The following RGL1 variants were observed in gnomAD, a reference collection of about 807,000 sequenced individuals.
RGL1 encodes ral guanine nucleotide dissociation stimulator like 1, also known as ral guanine nucleotide dissociation stimulator-like 1.
RGL1 carries 24 observed loss-of-function variants against 95.2 expected under a neutral mutation model. The observed-to-expected ratio is 0.25, with a 90% CI of 0.18 to 0.35. The LOEUF (loss-of-function observed/expected upper bound fraction) is 0.35. Ranked by LOEUF, RGL1 falls within the 10% of genes least tolerant of loss-of-function variation. RGL1 has a pLI of 1.00. For synonymous variants in RGL1, 329 were observed against 344.9 expected, an observed-to-expected ratio of 0.95 and a Z score of 0.51; for missense variants, 715 against 936.3, an observed-to-expected ratio of 0.76 and a Z score of 3.08.
intron 2 of RGL1, among the ~76,000 whole-genome samples, chr1:183,836,417 AT>A (rs530157298): frequency 0.01 from 1,512 of 144,928 alleles, 20 homozygotes; most frequent in African/African-American, 0.032. Flanking sequence ...CACCCAGCTA[AT>A]TTTTTTTTTT....
rs145406661 is a variant in RGL1, at chr1:183,922,248, T to G, written c.2031T>G (p.Ala677=). 141 of 1,614,030 alleles carry G rather than the reference T, an allele frequency of 8.7e-5. No homozygotes were observed. The highest frequency in any genetic ancestry group is 1.2e-4 in the Non-Finnish European group (137 of 1,180,034). ...TGACGAGCCAGGATAAAACCCCCGC[T>G]GTGATCCAGAGAGCCATGCTGAAGC... The part of the protein sequence containing the change: ...IMLTSQDKTP[A]VIQRAMLKHN... The change falls in exon 17 of 18, where the codon GCT becomes GCG. Residue 677 remains alanine, a synonymous_variant. Transcript: ENST00000360851.
In RGL1 at chr1:183,660,884, G is replaced by T. The variant is rs1157090336; in HGVS notation, c.-33+24383G>T. 3.9e-5 allele frequency among the ~76,000 whole-genome samples: 6 copies of T among 152,204 alleles called. No homozygotes were observed. The East Asian group carries it at 1.2e-3, about 29-fold the overall frequency. On this transcript the variant is annotated intron_variant, in intron 1 of 18. Coordinates refer to the RGL1 transcript ENST00000304685. ...CTCAGACCACAGTGCAATCAAACTA[G>T]AACTCAGGAATAAGAAACTCACTCA... is the stretch of plus-strand genomic sequence containing the variant.
intron 4 of RGL1, among the ~76,000 whole-genome samples, chr1:183,874,472 C>A: frequency 6.6e-6 from 1 of 151,944 alleles, no homozygotes; most frequent in South Asian, 2.1e-4. Flanking sequence ...GTATGTCTTC[C>A]TTTCATAATC....
At chr1:183,891,176 C>G (rs750783322) in intron 8 of RGL1, among the ~76,000 whole-genome samples, 21 of 152,074 alleles carry the variant, frequency 1.4e-4, no homozygotes, top group Non-Finnish European at 2.6e-4. Flanking sequence ...ATTACACTCA[C>G]TATAAAACAG....
At chr1:183,898,862 G>A (rs1667855497) in intron 10 of RGL1, among the ~76,000 whole-genome samples, 3 of 152,214 alleles carry the variant, frequency 2.0e-5, no homozygotes, top group Admixed American at 2.0e-4. Context: ...GAAGCAGCCA[G>A]CCTCATGTCA....
intron 2 of RGL1, among the ~76,000 whole-genome samples, chr1:183,816,396 C>G (rs1409081857): frequency 1.3e-5 from 2 of 152,168 alleles, no homozygotes; most frequent in East Asian, 3.9e-4. Flanking sequence ...GTTTCAAGTC[C>G]TGGACTAAAC....
Position 183,912,127 on chromosome 1 carries a change from A to C in RGL1, c.1608A>C (p.Lys536Asn). The C allele has an allele frequency of 6.2e-7, 1 of 1,614,076 alleles. No individual in the cohort carries two copies. Among genetic ancestry groups the C allele is most frequent in the African/African-American group, 1.3e-5 (1 of 75,028 alleles). ...SDMITSPTPT[K>N]EQPKSTASGS... is the part of the protein sequence containing the mutation. Reference sequence around the variant, plus strand: ...TGATCACCAGTCCCACTCCCACCAAAGAGCAGCCCAAGTCCACTGCCAGCG... The same window carrying C: ...TGATCACCAGTCCCACTCCCACCAACGAGCAGCCCAAGTCCACTGCCAGCG... Residue 536 changes from lysine (K) to asparagine (N), a missense_variant, in exon 15 of 18, where the codon AAA (lysine) becomes AAC (asparagine). Lys to Asn is a moderately conservative substitution (Grantham distance 94). This residue lies in a region of RGL1 where 330 missense variants were observed against 429.6 expected (regional missense o/e 0.77). Coordinates refer to ENST00000360851, the MANE Select transcript of RGL1 (RefSeq NM_001297671.3).
At chr1:183,738,139 G>A (rs1657056176) in intron 1 of RGL1, among the ~76,000 whole-genome samples, 1 of 152,226 alleles carries the variant, frequency 6.6e-6, no homozygotes, top group African/African-American at 2.4e-5. Context: ...AAGAAGGCAG[G>A]CTGAGTGCGG....
chr1:183,883,820 A>T lies in RGL1; in HGVS notation c.645A>T (p.Glu215Asp), dbSNP rs750065785. 5 of 1,613,972 alleles carry T rather than the reference A, an allele frequency of 3.1e-6. No homozygotes were observed. The highest frequency in any genetic ancestry group is 4.2e-6 in the Non-Finnish European group (5 of 1,179,910). The change falls in exon 6 of 18, where the codon GAA (glutamate) becomes GAT (aspartate). Residue 215 changes from glutamate (E) to aspartate (D), a missense_variant. Glu to Asp is a conservative substitution (Grantham distance 45, BLOSUM62 2). This residue lies in a region of RGL1 where 381 missense variants were observed against 484.8 expected (regional missense o/e 0.79). Coordinates refer to ENST00000360851, the MANE Select transcript of RGL1 (RefSeq NM_001297671.3). ...CCAACACGATCTCCTTCAGCCTGGA[A>T]GAGGAAGAGGAACTGGAGGGTGGAG... ...GLPNTISFSL[E>D]EEEELEGGES... is the part of the protein sequence containing the mutation.
intron 2 of RGL1, among the ~76,000 whole-genome samples, chr1:183,793,132 C>A (rs972952679): frequency 6.6e-6 from 1 of 152,126 alleles, no homozygotes; most frequent in Admixed American, 6.5e-5. Context: ...AGAAATAAAT[C>A]CTTGTCCCTA....
At chr1:183,810,645 G>A (rs1409101393) in intron 2 of RGL1, among the ~76,000 whole-genome samples, 1 of 152,156 alleles carries the variant, frequency 6.6e-6, no homozygotes. Flanking sequence ...GGTTATGTGG[G>A]GACTGTGGTA....
chr1:183,898,013 G>A, intron 10 of RGL1, 116 bp downstream of exon 10: 1 of 778,024 alleles, frequency 1.3e-6, no homozygotes, highest in South Asian at 1.7e-5. Context: ...TTTCAGAAAG[G>A]GTCTCCCATT....
At chr1:183,854,440 G>A (rs540041880) in intron 3 of RGL1, among the ~76,000 whole-genome samples, 23 of 152,214 alleles carry the variant, frequency 1.5e-4, no homozygotes, top group African/African-American at 5.3e-4. Context: ...TCTTTATGTC[G>A]CCTGGAGTAA....
At chr1:183,680,363 T>C (rs1167455367) in intron 1 of RGL1, among the ~76,000 whole-genome samples, 1 of 152,226 alleles carries the variant, frequency 6.6e-6, no homozygotes, top group Non-Finnish European at 1.5e-5. Context: ...TATGTTGAAG[T>C]CTTTAATCCA....
At chr1:183,738,263 A>T (rs1184665301) in intron 1 of RGL1, among the ~76,000 whole-genome samples, 1 of 151,988 alleles carries the variant, frequency 6.6e-6, no homozygotes, top group Non-Finnish European at 1.5e-5. Flanking sequence ...CTACTAAAAA[A>T]TACAAAAATT....
At chr1:183,828,640 A>C (rs1663047997) in intron 2 of RGL1, among the ~76,000 whole-genome samples, 2 of 152,184 alleles carry the variant, frequency 1.3e-5, no homozygotes, top group Admixed American at 1.3e-4. Context: ...CTCATCTATA[A>C]ACTGAGATTA....
intron 1 of RGL1, 136 bp downstream of exon 1, chr1:183,805,460 C>T: frequency 1.3e-6 from 1 of 778,342 alleles, no homozygotes; most frequent in South Asian, 1.5e-5. Context: ...AGCTCTCTCA[C>T]TCCGCTTTGT....
chr1:183,750,276 C>G lies in RGL1; in HGVS notation c.132+7987C>G, dbSNP rs575484466. Among the ~76,000 whole-genome samples the G allele has an allele frequency of 2.0e-5, 3 of 152,232 alleles. No individual in the cohort carries two copies. The South Asian group carries it at 6.2e-4, about 32-fold the overall frequency. ...TTCATTCCTTTTCATTCTTTTTTCT[C>G]TAATCTTGTCTTCACTCTTTATTTC... On this transcript the variant is annotated intron_variant, in intron 2 of 18. Transcript: ENST00000304685.
intron 2 of RGL1, among the ~76,000 whole-genome samples, chr1:183,799,499 C>T (rs1448097044): frequency 2.0e-5 from 3 of 152,128 alleles, no homozygotes; most frequent in African/African-American, 7.2e-5. Flanking sequence ...ATGGCCATCC[C>T]CACAGGTATG....
Sources: gnomAD v4.1 joint callset for allele counts (sites outside exome capture counted in the v4.1 genomes callset) on GRCh38, gnomAD v4.1.1 for gene constraint, gnomAD v4.1.1 regional missense constraint, MANE v1.5 for transcripts, NCBI Gene and HGNC (gene_info 2026-07-23, HGNC 2026-07-21) for gene names.